GABPA: variants seen among roughly 807,000 people sequenced by gnomAD.
GABPA encodes GA binding protein transcription factor subunit alpha, also known as GA-binding protein alpha chain.
Under a neutral mutation model 59.4 loss-of-function variants are expected in GABPA, and 4 were observed. That is an observed-to-expected ratio of 0.07 (90% confidence interval 0.03 to 0.15). GABPA has a LOEUF of 0.15. GABPA is among the 10% of genes least tolerant of loss of function. The pLI is 1.00. For missense variants in GABPA, 251 were observed against 543.8 expected, an observed-to-expected ratio of 0.46 and a Z score of 5.36; for synonymous variants, 164 against 183.1, an observed-to-expected ratio of 0.90 and a Z score of 0.84.
chr21:25,745,182 T>C (rs1169839599), intron 2 of GABPA, 28 bp from the exon 3 acceptor site: 3 of 1,609,060 alleles, frequency 1.9e-6, no homozygotes, highest in Admixed American at 1.7e-5. Flanking sequence ...AAAATGTAAC[T>C]GTTAGCACTT....
At chr21:25,768,259 G>GT (rs2035938861) in intron 9 of GABPA, among the ~76,000 whole-genome samples, 1 of 151,800 alleles carries the variant, frequency 6.6e-6, no homozygotes, top group African/African-American at 2.4e-5. Context: ...TCCTTTACCT[G>GT]TTTTTCTGTA....
At chr21:25,736,596 A>G (rs775519150) in intron 1 of GABPA, among the ~76,000 whole-genome samples, 5 of 151,534 alleles carry the variant, frequency 3.3e-5, no homozygotes, top group Middle Eastern at 3.4e-3. Flanking sequence ...ATAGTAATGA[A>G]GTAATTAAAT....
At chr21:25,759,522 G>A (rs2035716903) in intron 6 of GABPA, among the ~76,000 whole-genome samples, 1 of 152,128 alleles carries the variant, frequency 6.6e-6, no homozygotes, top group Non-Finnish European at 1.5e-5. Context: ...TTCTCTGCTG[G>A]TGAATAAGAA....
intron 9 of GABPA, among the ~76,000 whole-genome samples, chr21:25,768,143 TC>T (rs1355576192): frequency 6.6e-6 from 1 of 151,992 alleles, no homozygotes; most frequent in Admixed American, 6.6e-5. Context: ...GAAACATAAA[TC>T]CAGCTCCATT....
intron 2 of GABPA, among the ~76,000 whole-genome samples, chr21:25,744,640 T>A (rs201038976): frequency 6.6e-6 from 1 of 152,166 alleles, no homozygotes; most frequent in African/African-American, 2.4e-5. Flanking sequence ...ATTCAAAGTG[T>A]GAAATAATAT....
At chr21:25,765,572 C>G (rs185736082) in intron 9 of GABPA, among the ~76,000 whole-genome samples, 203 of 151,994 alleles carry the variant, frequency 1.3e-3, no homozygotes, top group African/African-American at 4.6e-3. Flanking sequence ...TACAGTATTA[C>G]GGCCATGTAA....
In GABPA at chr21:25,770,839, T is replaced by TAATTTTACTA. The variant is rs2035995193; in HGVS notation, c.*1610_*1619dup. The TAATTTTACTA allele has an allele frequency of 3.3e-5, 5 of 152,070 alleles. No individual in the cohort carries two copies. In the South Asian group the frequency reaches 8.3e-4, roughly 25 times the overall value. The allele number at this position is 152,070 out of a possible 1,614,324, so 9.4% of individuals were successfully genotyped here. The stretch of plus-strand genomic sequence containing the variant: ...CTCTTTCTCTGGTAATCTTAATGCA[T>TAATTTTACTA]AATTTTACTAAAACATGTTCTCAAT... On this transcript the variant is annotated 3_prime_UTR_variant, in exon 10 of 10. Transcript: ENST00000400075.
intron 1 of GABPA, among the ~76,000 whole-genome samples, chr21:25,739,485 T>C (rs925692191): frequency 6.6e-6 from 1 of 152,240 alleles, no homozygotes; most frequent in African/African-American, 2.4e-5. Context: ...TTTCAGAAGC[T>C]ACCTGCATTC....
At chr21:25,766,993 G>T (rs911441492) in intron 9 of GABPA, among the ~76,000 whole-genome samples, 1 of 151,900 alleles carries the variant, frequency 6.6e-6, no homozygotes. Context: ...CAAACATAAT[G>T]TTCAGTGACA....
chr21:25,742,404 A>T (rs1358347230), intron 2 of GABPA, among the ~76,000 whole-genome samples: 1 of 152,220 alleles, frequency 6.6e-6, no homozygotes, highest in African/African-American at 2.4e-5. Flanking sequence ...AAGGTTTAGA[A>T]GTTTCTGCAG....
chr21:25,757,262 G>A (rs71651613), intron 5 of GABPA, among the ~76,000 whole-genome samples: 3,731 of 152,116 alleles, frequency 0.025, 154 homozygotes, highest in African/African-American at 0.085. Flanking sequence ...ATTAGGTGCG[G>A]GTGATACAGC....
intron 6 of GABPA, among the ~76,000 whole-genome samples, chr21:25,758,827 A>T (rs1039320191): frequency 6.6e-6 from 1 of 152,162 alleles, no homozygotes; most frequent in African/African-American, 2.4e-5. Flanking sequence ...CCATGTAAAG[A>T]AATTGGATGA....
chr21:25,757,742 G>T (rs937797770), intron 5 of GABPA, among the ~76,000 whole-genome samples: 4 of 151,056 alleles, frequency 2.6e-5, no homozygotes, highest in Non-Finnish European at 5.9e-5. Flanking sequence ...GAGCAGTTTT[G>T]CATTTTGTTT....
chr21:25,762,179 T>G, intron 6 of GABPA, 133 bp from the exon 7 acceptor site: 1 of 522,514 alleles, frequency 1.9e-6, no homozygotes, highest in African/African-American at 2.0e-5. Flanking sequence ...GCCAGTAAGT[T>G]TCAGTTCAGT....
intron 7 of GABPA, 57 bp downstream of exon 7, chr21:25,762,422 C>G: frequency 1.6e-6 from 2 of 1,221,336 alleles, no homozygotes; most frequent in Middle Eastern, 2.2e-4. Context: ...TATTTGATAC[C>G]GCAAGGTAAT....
chr21:25,762,433 A>C, intron 7 of GABPA, 68 bp downstream of exon 7: 1 of 1,171,100 alleles, frequency 8.5e-7, no homozygotes, highest in African/African-American at 1.6e-5. Flanking sequence ...GCAAGGTAAT[A>C]AAAAGGAAAA....
intron 1 of GABPA, among the ~76,000 whole-genome samples, chr21:25,740,151 C>A (rs982590151): frequency 1.3e-5 from 2 of 152,206 alleles, no homozygotes; most frequent in East Asian, 3.8e-4. Context: ...AAAACTGTGA[C>A]ATGGAGCCAC....
chr21:25,762,391 C>G (rs773123569), intron 7 of GABPA, 26 bp downstream of exon 7: 2 of 1,456,704 alleles, frequency 1.4e-6, no homozygotes, highest in Non-Finnish European at 1.9e-6. Flanking sequence ...TATATTTGCC[C>G]TTTTATTAAT....
chr21:25,752,375 T>C, intron 5 of GABPA, 141 bp downstream of exon 5: 4 of 914,906 alleles, frequency 4.4e-6, no homozygotes, highest in Non-Finnish European at 6.5e-6. Flanking sequence ...CTTTTAATTG[T>C]AACGCACATT....
Sources: allele counts gnomAD v4.1 joint callset (sites outside exome capture counted in the v4.1 genomes callset), GRCh38; gene constraint gnomAD v4.1.1; transcripts MANE v1.5; gene names NCBI Gene and HGNC (gene_info 2026-07-23, HGNC 2026-07-21).